The following CSMD1 variants were observed in gnomAD, a reference collection of about 807,000 sequenced individuals.
CSMD1 encodes CUB and Sushi multiple domains 1.
CSMD1 carries 213 observed loss-of-function variants against 417.5 expected under a neutral mutation model. That is an observed-to-expected ratio of 0.51 (90% CI 0.46 to 0.57). The LOEUF is 0.57. Among genes scored for constraint, CSMD1 ranks in the 20% least tolerant of loss-of-function variants. The pLI, the probability that CSMD1 is intolerant of heterozygous loss-of-function variation, is 0.00. For missense variants in CSMD1, 6,923 were observed against 4,529.7 expected (o/e 1.53, Z -15.17); for synonymous variants, 2,862 against 1,736.8 (o/e 1.65, Z -16.11).
intron 7 of CSMD1, among the ~76,000 whole-genome samples, chr8:3,693,958 G>T (rs1178804681): frequency 6.6e-6 from 1 of 150,426 alleles, no homozygotes; most frequent in Admixed American, 6.6e-5. Flanking sequence ...TGGATATAGG[G>T]GTGTGTGTGT....
intron 2 of CSMD1, among the ~76,000 whole-genome samples, chr8:4,421,205 G>T (rs1797232748): frequency 6.6e-6 from 1 of 152,128 alleles, no homozygotes; most frequent in Admixed American, 6.6e-5. Flanking sequence ...ACGCAATACA[G>T]AAGACAAGTC....
At chr8:4,473,055 G>A (rs934249219) in intron 2 of CSMD1, among the ~76,000 whole-genome samples, 6 of 151,914 alleles carry the variant, frequency 3.9e-5, no homozygotes, top group African/African-American at 1.2e-4. Flanking sequence ...TCTGCATTAA[G>A]TGATATTTTA....
At chr8:4,296,198 C>G (rs1172826261) in intron 3 of CSMD1, among the ~76,000 whole-genome samples, 1 of 152,248 alleles carries the variant, frequency 6.6e-6, no homozygotes, top group African/African-American at 2.4e-5. Flanking sequence ...TAGTCCTCAA[C>G]TCATCTCCAG....
intron 5 of CSMD1, among the ~76,000 whole-genome samples, chr8:3,841,705 A>G (rs540434238): frequency 2.2e-4 from 34 of 151,562 alleles, no homozygotes; most frequent in African/African-American, 8.3e-4. Flanking sequence ...TGATTATAAT[A>G]TATAATATCA....
intron 3 of CSMD1, among the ~76,000 whole-genome samples, chr8:4,276,220 G>A (rs1023198168): frequency 5.9e-5 from 9 of 152,186 alleles, no homozygotes; most frequent in East Asian, 3.9e-4. Flanking sequence ...TGGAACTAAC[G>A]CAAATGCCCA....
chr8:4,329,491 T>C (rs1799747923), intron 3 of CSMD1, among the ~76,000 whole-genome samples: 1 of 152,164 alleles, frequency 6.6e-6, no homozygotes, highest in African/African-American at 2.4e-5. Context: ...TTTCACCACG[T>C]TGGCCAGGCC....
At chr8:4,297,606 A>C (rs941040983) in intron 3 of CSMD1, among the ~76,000 whole-genome samples, 1 of 152,140 alleles carries the variant, frequency 6.6e-6, no homozygotes, top group African/African-American at 2.4e-5. Context: ...TGTAAGGCTA[A>C]GATAGCCTGA....
intron 1 of CSMD1, among the ~76,000 whole-genome samples, chr8:4,721,922 C>T (rs539535442): frequency 5.3e-5 from 8 of 152,078 alleles, no homozygotes; most frequent in Middle Eastern, 6.8e-3. Flanking sequence ...AAACCAAACA[C>T]GAAAGAAAAA....
At chr8:4,617,881 C>A (rs899010552) in intron 2 of CSMD1, among the ~76,000 whole-genome samples, 5 of 152,152 alleles carry the variant, frequency 3.3e-5, no homozygotes, top group South Asian at 4.1e-4. Flanking sequence ...CATTTTACCC[C>A]AGAACCTGGA....
chr8:4,270,837 TC>T (rs1804543016), intron 3 of CSMD1, among the ~76,000 whole-genome samples: 1 of 152,148 alleles, frequency 6.6e-6, no homozygotes, highest in Non-Finnish European at 1.5e-5. Flanking sequence ...CTCCGTGACT[TC>T]CCCACTTACT....
chr8:4,867,134 ATAT>A (rs1438938825), intron 1 of CSMD1, among the ~76,000 whole-genome samples: 3 of 152,090 alleles, frequency 2.0e-5, no homozygotes, highest in Non-Finnish European at 4.4e-5. Context: ...AACTACACAC[ATAT>A]TATTTATATT....
chr8:3,673,446 G>T (rs1331600194), intron 7 of CSMD1, among the ~76,000 whole-genome samples: 1 of 152,192 alleles, frequency 6.6e-6, no homozygotes, highest in Non-Finnish European at 1.5e-5. Flanking sequence ...TGGGTACAAT[G>T]TGGCCCTGAC....
intron 3 of CSMD1, among the ~76,000 whole-genome samples, chr8:4,307,257 GCA>G (rs1263960678): frequency 6.6e-6 from 1 of 152,012 alleles, no homozygotes. Flanking sequence ...TGCTAATCAT[GCA>G]CAGAGGGCTG....
intron 3 of CSMD1, among the ~76,000 whole-genome samples, chr8:4,262,243 C>T (rs1394573030): frequency 1.3e-5 from 2 of 152,150 alleles, no homozygotes; most frequent in African/African-American, 4.8e-5. Flanking sequence ...GAGTGAAACT[C>T]CGGGGCATGG....
rs148314604 is a variant in CSMD1, at chr8:3,080,194, T to G, written c.7474+6903A>C. ...GTTGCTCTCTCTTTGACCAGGGAAC[T>G]TGAAAGCAGTGCACTCTGATGTGCC... On this transcript the variant is annotated intron_variant, in intron 49 of 69. Coordinates refer to ENST00000635120, the MANE Select transcript of CSMD1 (RefSeq NM_033225.6). Among the ~76,000 whole-genome samples the G allele has an allele frequency of 2.6e-5, 4 of 152,322 alleles. No homozygotes were observed. The East Asian group carries it at 7.7e-4, about 29-fold the overall frequency.
intron 3 of CSMD1, among the ~76,000 whole-genome samples, chr8:4,228,485 TC>T (rs1391942220): frequency 2.2e-4 from 34 of 151,264 alleles, no homozygotes; most frequent in African/African-American, 8.3e-4. Context: ...CACTGTATCC[TC>T]CCCCAACTGT....
intron 1 of CSMD1, among the ~76,000 whole-genome samples, chr8:4,798,674 T>G (rs879463136): frequency 6.6e-6 from 1 of 152,146 alleles, no homozygotes; most frequent in South Asian, 2.1e-4. Context: ...TCTTCCACCA[T>G]ACACCAAACT....
chr8:3,490,145 C>G (rs1818285927), intron 11 of CSMD1, among the ~76,000 whole-genome samples: 1 of 152,212 alleles, frequency 6.6e-6, no homozygotes, highest in Admixed American at 6.5e-5. Flanking sequence ...ATCTGGTACA[C>G]TAAGGACATA....
chr8:3,568,014 T>C (rs1292988335), intron 10 of CSMD1, among the ~76,000 whole-genome samples: 1 of 152,182 alleles, frequency 6.6e-6, no homozygotes, highest in Non-Finnish European at 1.5e-5. Context: ...TTAGAAAAGT[T>C]GGTACTGACA....
Sources: gnomAD v4.1 joint callset for allele counts (sites outside exome capture counted in the v4.1 genomes callset) on GRCh38, gnomAD v4.1.1 for gene constraint, MANE v1.5 for transcripts, NCBI Gene and HGNC (gene_info 2026-07-23, HGNC 2026-07-21) for gene names.